The following CELF4 variants were observed in gnomAD, a reference collection of about 807,000 sequenced individuals.
CELF4 encodes CUGBP Elav-like family member 4.
Under a neutral mutation model 59.9 loss-of-function variants are expected in CELF4, and 18 were observed. The observed-to-expected ratio is 0.30, with a 90% CI of 0.21 to 0.45. The LOEUF (loss-of-function observed/expected upper bound fraction) is 0.45, where lower values mean the gene tolerates loss of function less well. Ranked by LOEUF, CELF4 falls within the 20% of genes least tolerant of loss-of-function variation. CELF4 has a pLI of 1.00. For missense variants in CELF4, 456 were observed against 689.0 expected, an observed-to-expected ratio of 0.66 and a Z score of 3.79; for synonymous variants, 261 against 267.1, an observed-to-expected ratio of 0.98 and a Z score of 0.22.
intron 10 of CELF4, among the ~76,000 whole-genome samples, 154 bp from the exon 11 acceptor site, chr18:37,259,418 A>G (rs1048074078): frequency 6.6e-6 from 1 of 152,114 alleles, no homozygotes; most frequent in African/African-American, 2.4e-5. Context: ...AGGGCGCCCC[A>G]GAAGAGGCAG....
chr18:37,465,104 G>A (rs969470122), intron 2 of CELF4, among the ~76,000 whole-genome samples: 1 of 152,084 alleles, frequency 6.6e-6, no homozygotes, highest in Admixed American at 6.5e-5. Flanking sequence ...GCTCTGGGAC[G>A]GCCAGTGTCT....
intron 2 of CELF4, among the ~76,000 whole-genome samples, chr18:37,415,482 G>T (rs1233164013): frequency 6.6e-6 from 1 of 152,202 alleles, no homozygotes; most frequent in African/African-American, 2.4e-5. Flanking sequence ...CAACTTTGTG[G>T]TAAAGTGGGG....
chr18:37,411,711 C>T (rs1215316132), intron 2 of CELF4, among the ~76,000 whole-genome samples: 2 of 152,238 alleles, frequency 1.3e-5, no homozygotes, highest in East Asian at 3.8e-4. Context: ...GGGCTCTCCC[C>T]AGGCTTCAGA....
intron 1 of CELF4, among the ~76,000 whole-genome samples, chr18:37,506,811 T>C (rs1786811): frequency 0.86 from 130,845 of 152,240 alleles, 57,134 homozygotes; most frequent in East Asian, 0.96. Context: ...TTTTATGGCT[T>C]TTCTAACTTT....
At position 37,266,580 on chromosome 18, in the gene CELF4, G is replaced by T; in HGVS notation, c.1118C>A (p.Ala373Glu). 6.3e-7 allele frequency: 1 copy of T among 1,594,224 alleles called. No individual in the cohort carries two copies. Among genetic ancestry groups the T allele is most frequent in the East Asian group, 2.3e-5 (1 of 44,206 alleles). ...HPYPAQSPTA[A>E]DPLQQAYAGV... ...GGCGTAGGCCTGCTGCAGGGGGTCC[G>T]CGGCGGTGGGGCTCTGTGCTGTAGG... The change falls in exon 9 of 13, where the codon GCG (alanine) becomes GAG (glutamate). Residue 373 changes from alanine (A) to glutamate (E), a missense_variant. By Grantham distance (107) the Ala-to-Glu change is moderately radical. Around this residue, in one of 7 missense-constraint regions of CELF4, gnomAD observed 256 missense variants for 340.8 expected, o/e 0.75. Coordinates refer to ENST00000420428, the MANE Select transcript of CELF4 (RefSeq NM_020180.4).
rs374133416 is a variant in CELF4, at chr18:37,286,703, G to A, written c.449-11460C>T. On this transcript the variant is annotated intron_variant, in intron 3 of 12. Coordinates refer to ENST00000420428, the MANE Select transcript of CELF4 (RefSeq NM_020180.4). ...AGCATCCTCCTTACTTGTCTAACCC[G>A]GGAGGAGTCACACTGGAATGAAGAG... 1.8e-4 allele frequency among the ~76,000 whole-genome samples: 27 copies of A among 152,252 alleles called. No homozygotes were observed. In the East Asian group the frequency reaches 4.3e-3, roughly 24 times the overall value.
intron 1 of CELF4, among the ~76,000 whole-genome samples, chr18:37,522,097 C>G (rs1403900837): frequency 2.7e-5 from 4 of 150,740 alleles, no homozygotes; most frequent in African/African-American, 1.0e-4. Flanking sequence ...TGCCTTTCTT[C>G]TGGTGGACAT....
At chr18:37,380,191 C>T (rs976632663) in intron 2 of CELF4, among the ~76,000 whole-genome samples, 1 of 152,174 alleles carries the variant, frequency 6.6e-6, no homozygotes, top group Non-Finnish European at 1.5e-5. Flanking sequence ...CACCTGCTCT[C>T]ACCTCCCTCT....
chr18:37,293,353 C>G (rs2154425470), intron 3 of CELF4, among the ~76,000 whole-genome samples: 1 of 152,298 alleles, frequency 6.6e-6, no homozygotes, highest in East Asian at 1.9e-4. Flanking sequence ...CAATTCTTGG[C>G]TTTCTTTAGT....
intron 2 of CELF4, among the ~76,000 whole-genome samples, chr18:37,336,216 C>T (rs2097766527): frequency 1.3e-5 from 2 of 152,194 alleles, no homozygotes; most frequent in Admixed American, 1.3e-4. Flanking sequence ...GGCTGCCAGT[C>T]TCCTCCTCTC....
intron 5 of CELF4, 69 bp from the exon 6 acceptor site, chr18:37,274,523 G>A (rs1242342321): frequency 6.2e-7 from 1 of 1,604,430 alleles, no homozygotes; most frequent in Admixed American, 1.7e-5. Context: ...GGTGCCTCTG[G>A]CCTGCGCCCA....
chr18:37,308,944 C>T lies in CELF4; in HGVS notation c.448+12859G>A, dbSNP rs374108799. ...CTCAGATAGCACAGACAGGCTCATC[C>T]TGCTGCTGGCTGGGCTTGCACCTGG... is the stretch of plus-strand genomic sequence containing the variant. On this transcript the variant is annotated intron_variant, in intron 3 of 12. Coordinates refer to ENST00000420428, the MANE Select transcript of CELF4 (RefSeq NM_020180.4). Among the ~76,000 whole-genome samples the T allele has an allele frequency of 1.9e-4, 29 of 152,334 alleles. No homozygotes were observed. In the East Asian group the frequency reaches 5.2e-3, roughly 27 times the overall value.
In CELF4 at chr18:37,291,864, T is replaced by C. The variant is rs535652791; in HGVS notation, c.449-16621A>G. On this transcript the variant is annotated intron_variant, in intron 3 of 12. Transcript: ENST00000420428. ...CCTCGTGGAACTGACCAGTTCCTTGTCCCAACACAGCAAGGCCTGTGTTCC... is the reference window on the plus strand; with the variant it reads ...CCTCGTGGAACTGACCAGTTCCTTGCCCCAACACAGCAAGGCCTGTGTTCC... Among the ~76,000 whole-genome samples the C allele has an allele frequency of 4.6e-5, 7 of 152,224 alleles. No individual in the cohort carries two copies. In the South Asian group the frequency reaches 1.5e-3, roughly 32 times the overall value.
chr18:37,261,585 T>C (rs2074515574), intron 10 of CELF4, among the ~76,000 whole-genome samples: 1 of 152,154 alleles, frequency 6.6e-6, no homozygotes, highest in South Asian at 2.1e-4. Context: ...ACTCCCTCAT[T>C]CACAGATTAC....
chr18:37,398,385 A>T (rs1266730381), intron 2 of CELF4, among the ~76,000 whole-genome samples: 1 of 152,140 alleles, frequency 6.6e-6, no homozygotes, highest in Non-Finnish European at 1.5e-5. Context: ...AGAGAGAAGG[A>T]ATCTCCCTTC....
At chr18:37,453,426 G>C (rs1426266617) in intron 2 of CELF4, among the ~76,000 whole-genome samples, 2 of 152,216 alleles carry the variant, frequency 1.3e-5, no homozygotes, top group Non-Finnish European at 2.9e-5. Flanking sequence ...AGCTCCCAAG[G>C]AGGGGATTAT....
chr18:37,309,780 T>A (rs1323395751), intron 3 of CELF4, among the ~76,000 whole-genome samples: 1 of 151,298 alleles, frequency 6.6e-6, no homozygotes, highest in Non-Finnish European at 1.5e-5. Context: ...AAGTGGACCC[T>A]GCTCTTCAGC....
In CELF4 at chr18:37,244,824, C is replaced by CGTGGGCTGGAAA. The variant is rs2061490645; in HGVS notation, c.*417_*418insTTTCCAGCCCAC. ...ACCAGGCCCCACGCACCACTTGCCCCAGCCTGCGTCAGGCGCCCGTGGGCT... is the reference window on the plus strand; with the variant it reads ...ACCAGGCCCCACGCACCACTTGCCCCGTGGGCTGGAAAAGCCTGCGTCAGGCGCCCGTGGGCT... On this transcript the variant is annotated 3_prime_UTR_variant, in exon 13 of 13. Transcript: ENST00000420428. 1 of 152,658 alleles carries CGTGGGCTGGAAA rather than the reference C, an allele frequency of 6.6e-6. No homozygotes were observed. Among genetic ancestry groups the CGTGGGCTGGAAA allele is most frequent in the African/African-American group, 2.4e-5 (1 of 41,468 alleles). 9.5% of individuals were successfully genotyped at this position (152,658 alleles called of 1,614,324 possible).
intron 2 of CELF4, among the ~76,000 whole-genome samples, chr18:37,366,972 T>C (rs1028384803): frequency 3.9e-5 from 6 of 152,062 alleles, no homozygotes; most frequent in African/African-American, 1.2e-4. Context: ...GAAAACACCA[T>C]TGAAAAAGCC....
Sources: gnomAD v4.1 joint callset for allele counts (sites outside exome capture counted in the v4.1 genomes callset) on GRCh38, gnomAD v4.1.1 for gene constraint, gnomAD v4.1.1 regional missense constraint, MANE v1.5 for transcripts, NCBI Gene and HGNC (gene_info 2026-07-23, HGNC 2026-07-21) for gene names.